HS6ST3: variants seen among roughly 807,000 people sequenced by gnomAD.
The protein encoded by HS6ST3 is heparan-sulfate 6-O-sulfotransferase 3.
A neutral mutation model predicts 36.7 loss-of-function variants in HS6ST3; 12 were observed. The ratio of observed to expected loss-of-function variants is 0.33; its 90% CI spans 0.21 to 0.53. The LOEUF (loss-of-function observed/expected upper bound fraction) is 0.53. Among genes scored for constraint, HS6ST3 ranks in the 20% least tolerant of loss-of-function variants. The pLI is 0.95. For synonymous variants in HS6ST3, 240 were observed against 257.5 expected (o/e 0.93, Z 0.65); for missense variants, 584 against 640.9 (o/e 0.91, Z 0.96).
chr13:96,644,458 G>T (rs537510), intron 1 of HS6ST3, among the ~76,000 whole-genome samples: 150,719 of 152,146 alleles, frequency 0.99, 74,665 homozygotes, highest in Middle Eastern at 1. Context: ...TTGAAATATC[G>T]GAAATAGCAT....
intron 1 of HS6ST3, among the ~76,000 whole-genome samples, chr13:96,670,849 A>G (rs1353819926): frequency 6.6e-6 from 1 of 152,150 alleles, no homozygotes; most frequent in African/African-American, 2.4e-5. Context: ...GCATCTGTGC[A>G]GCCAGAGGTC....
chr13:96,341,465 AATTAT>A (rs1312101817), intron 1 of HS6ST3, among the ~76,000 whole-genome samples: 1 of 152,110 alleles, frequency 6.6e-6, no homozygotes, highest in African/African-American at 2.4e-5. Context: ...ATTTTTTGTA[AATTAT>A]ATTACATACA....
rs138855060 is a variant in HS6ST3, at chr13:96,369,330, A to G, written c.707+277761A>G. ...AGGACAGTGTGCAGACAGATACTTG[A>G]TTATCAAATCAAAGGATCACCCCCT... is the stretch of plus-strand genomic sequence containing the variant. On this transcript the variant is annotated intron_variant, in intron 1 of 1. Coordinates refer to ENST00000376705, the MANE Select transcript of HS6ST3 (RefSeq NM_153456.4). Among the ~76,000 whole-genome samples, 139 of 152,170 alleles carry G rather than the reference A, an allele frequency of 9.1e-4. 3 individuals are homozygous for G. Among genetic ancestry groups the G allele is most frequent in the African/African-American group, 3.2e-3 (133 of 41,514 alleles).
intron 1 of HS6ST3, among the ~76,000 whole-genome samples, chr13:96,783,962 A>G (rs1003194048): frequency 1.3e-5 from 2 of 152,156 alleles, no homozygotes; most frequent in Non-Finnish European, 2.9e-5. Flanking sequence ...AGAAATATTC[A>G]GAAGAAAGAG....
chr13:96,109,791 A>G (rs950515299), intron 1 of HS6ST3, among the ~76,000 whole-genome samples: 2 of 152,200 alleles, frequency 1.3e-5, no homozygotes, highest in Admixed American at 6.5e-5. Context: ...AAGTCCTTAC[A>G]TCTAGTGTTC....
intron 1 of HS6ST3, among the ~76,000 whole-genome samples, chr13:96,621,122 G>A (rs1373379710): frequency 6.6e-6 from 1 of 152,176 alleles, no homozygotes; most frequent in Non-Finnish European, 1.5e-5. Flanking sequence ...GCTGCAAGCG[G>A]GAGCAAGGGG....
intron 1 of HS6ST3, among the ~76,000 whole-genome samples, chr13:96,208,354 T>C (rs2139355933): frequency 6.6e-6 from 1 of 152,280 alleles, no homozygotes; most frequent in South Asian, 2.1e-4. Context: ...TTAGGCTGTG[T>C]CTAAATTTTT....
intron 1 of HS6ST3, among the ~76,000 whole-genome samples, chr13:96,798,817 T>C (rs1003835594): frequency 1.4e-4 from 22 of 152,088 alleles, no homozygotes; most frequent in Non-Finnish European, 3.2e-4. Flanking sequence ...AAATTTATTT[T>C]CTTACCATTC....
intron 1 of HS6ST3, among the ~76,000 whole-genome samples, chr13:96,529,779 T>G (rs2056128378): frequency 6.6e-6 from 1 of 152,234 alleles, no homozygotes; most frequent in Non-Finnish European, 1.5e-5. Context: ...AATGGCTTTC[T>G]TCTATCAAAT....
intron 1 of HS6ST3, among the ~76,000 whole-genome samples, chr13:96,589,741 C>A (rs1302644310): frequency 6.6e-6 from 1 of 152,060 alleles, no homozygotes; most frequent in African/African-American, 2.4e-5. Flanking sequence ...TTACTTTGGA[C>A]TATAGTCACC....
At chr13:96,648,616 T>G (rs886724776) in intron 1 of HS6ST3, among the ~76,000 whole-genome samples, 3 of 152,010 alleles carry the variant, frequency 2.0e-5, no homozygotes, top group Non-Finnish European at 4.4e-5. Flanking sequence ...AAGCACTGCA[T>G]GCATTAGCTA....
intron 1 of HS6ST3, among the ~76,000 whole-genome samples, chr13:96,214,281 G>C (rs2054413326): frequency 6.6e-6 from 1 of 152,072 alleles, no homozygotes; most frequent in Admixed American, 6.6e-5. Context: ...TTGGGGATAT[G>C]GTGGATGGGG....
intron 1 of HS6ST3, among the ~76,000 whole-genome samples, chr13:96,138,191 T>A (rs2054011976): frequency 6.6e-6 from 1 of 152,174 alleles, no homozygotes; most frequent in Non-Finnish European, 1.5e-5. Flanking sequence ...AAATGTCACT[T>A]CCTCAAATTT....
rs1878932967 is a variant in HS6ST3 at position 96,836,597 on chromosome 13, A to T, written c.*3399A>T. 6.6e-6 allele frequency: 1 copy of T among 152,288 alleles called. No individual in the cohort carries two copies. The highest frequency in any genetic ancestry group is 2.4e-5 in the African/African-American group (1 of 41,558). The allele number at this position is 152,288 out of a possible 1,614,324, so 9.4% of individuals were successfully genotyped here. A position where few individuals can be genotyped will look rare whatever the true frequency, so the allele number is the denominator to read the frequency against. On this transcript the variant is annotated 3_prime_UTR_variant, in exon 2 of 2. Coordinates refer to ENST00000376705, the MANE Select transcript of HS6ST3 (RefSeq NM_153456.4). ...GATAATTAGTTTGATTAAAAGTTTG[A>T]AGTATGAGGACTCCTTGTTATGCCT... is the stretch of plus-strand genomic sequence containing the variant.
At chr13:96,481,557 G>A (rs1412373571) in intron 1 of HS6ST3, among the ~76,000 whole-genome samples, 1 of 152,174 alleles carries the variant, frequency 6.6e-6, no homozygotes, top group Non-Finnish European at 1.5e-5. Context: ...AATAACACTA[G>A]CAGTTACACA....
At chr13:96,632,866 T>A (rs1182223262) in intron 1 of HS6ST3, among the ~76,000 whole-genome samples, 1 of 152,202 alleles carries the variant, frequency 6.6e-6, no homozygotes, top group African/African-American at 2.4e-5. Context: ...TGGGGCATCA[T>A]CTGAATACAC....
At chr13:96,290,936 C>T (rs1269451005) in intron 1 of HS6ST3, among the ~76,000 whole-genome samples, 1 of 152,184 alleles carries the variant, frequency 6.6e-6, no homozygotes, top group East Asian at 1.9e-4. Context: ...AGGGCCTTTG[C>T]ACTTGCTGGT....
At chr13:96,473,708 T>G (rs1320120399) in intron 1 of HS6ST3, among the ~76,000 whole-genome samples, 1 of 152,172 alleles carries the variant, frequency 6.6e-6, no homozygotes, top group Non-Finnish European at 1.5e-5. Context: ...TAAAATGAGA[T>G]GCCTTTGGAA....
chr13:96,662,104 A>G (rs2056648304), intron 1 of HS6ST3, among the ~76,000 whole-genome samples: 2 of 152,120 alleles, frequency 1.3e-5, no homozygotes. Context: ...ACTATCTTTC[A>G]GGTGCTCTGA....
Sources: gnomAD v4.1 joint callset for allele counts (sites outside exome capture counted in the v4.1 genomes callset) on GRCh38, gnomAD v4.1.1 for gene constraint, MANE v1.5 for transcripts, NCBI Gene and HGNC (gene_info 2026-07-23, HGNC 2026-07-21) for gene names.